The following CELSR1 variants were observed in gnomAD, a reference collection of about 807,000 sequenced individuals.
The protein encoded by CELSR1 is cadherin EGF LAG seven-pass G-type receptor 1, also known as adhesion G protein-coupled receptor C1.
In CELSR1, 110 loss-of-function variants were observed where a neutral mutation model predicts 249.1. The ratio of observed to expected loss-of-function variants is 0.44; its 90% CI spans 0.38 to 0.52. The LOEUF (loss-of-function observed/expected upper bound fraction) is 0.52, where lower values mean the gene tolerates loss of function less well. Ranked by LOEUF, CELSR1 falls within the 20% of genes least tolerant of loss-of-function variation. The pLI, the probability that CELSR1 is intolerant of heterozygous loss-of-function variation, is 0.00. For missense variants in CELSR1, 4,109 were observed against 4,296.4 expected (o/e 0.96, Z 1.22); for synonymous variants, 2,113 against 1,900.0 (o/e 1.11, Z -2.92).
At chr22:46,466,311 G>T (rs2080096145) in intron 1 of CELSR1, among the ~76,000 whole-genome samples, 2 of 152,232 alleles carry the variant, frequency 1.3e-5, no homozygotes, top group South Asian at 4.1e-4. Context: ...CTGGAGCAGG[G>T]TGGCCCTGAG....
rs546154057 is a variant in CELSR1 at position 46,409,236 on chromosome 22, G to A, written c.5060-74C>T. ...CCGCGGACTTGGCTGCAGGGGCGGG[G>A]GATGGGCCTGCAGGCTAGGCCTGGG... On this transcript the variant is annotated intron_variant, in intron 8 of 34. Transcript: ENST00000674500. The surrounding 1 kb of genome is among the most constrained non-coding windows in gnomAD (Gnocchi z 9.8). 4 of 1,507,198 alleles carry A rather than the reference G, an allele frequency of 2.7e-6. No individual in the cohort carries two copies. In the South Asian group the frequency reaches 3.5e-5, roughly 13 times the overall value. The allele number at this position is 1,507,198 out of a possible 1,614,324, so 93.4% of individuals were successfully genotyped here.
intron 5 of CELSR1, among the ~76,000 whole-genome samples, chr22:46,418,578 C>T (rs1055612570): frequency 1.3e-5 from 2 of 152,184 alleles, no homozygotes; most frequent in Admixed American, 1.3e-4. Context: ...AAGTAAGCAA[C>T]TCGTGCAATT....
At chr22:46,384,059 T>G (rs1255529840) in intron 20 of CELSR1, among the ~76,000 whole-genome samples, 1 of 152,000 alleles carries the variant, frequency 6.6e-6, no homozygotes, top group Non-Finnish European at 1.5e-5. Context: ...CTCAGCCTCC[T>G]GAGTAGCTGG....
intron 1 of CELSR1, among the ~76,000 whole-genome samples, chr22:46,502,118 G>T (rs772490269): frequency 7.9e-5 from 12 of 151,454 alleles, no homozygotes; most frequent in Non-Finnish European, 1.5e-4. Context: ...TAAAGTAGCT[G>T]GGCACAGTGG....
At position 46,410,264 on chromosome 22, in the gene CELSR1, C is replaced by T; in HGVS notation, c.4933+134G>A. 1.8e-6 allele frequency: 2 copies of T among 1,115,260 alleles called. No individual in the cohort carries two copies. The highest frequency in any genetic ancestry group is 2.6e-6 in the Non-Finnish European group (2 of 780,422). The allele number at this position is 1,115,260 out of a possible 1,614,324, so 69.1% of individuals were successfully genotyped here. On this transcript the variant is annotated intron_variant, in intron 7 of 34. Coordinates refer to ENST00000674500, the MANE Select transcript of CELSR1 (RefSeq NM_001378328.1). This position sits in a 1 kb window ranked among gnomAD's most constrained non-coding sequence, Gnocchi z 6.8. Reference sequence around the variant, plus strand: ...ACTCCGGGTTCCATCCCAGGAGCTGCCCACCGCTGGACACATACATTTCTA... The same window carrying T: ...ACTCCGGGTTCCATCCCAGGAGCTGTCCACCGCTGGACACATACATTTCTA...
At chr22:46,386,306 G>T in intron 19 of CELSR1, 96 bp downstream of exon 19, 3 of 1,330,468 alleles carry the variant, frequency 2.3e-6, no homozygotes, top group African/African-American at 1.5e-5. Context: ...CCAAGGGGGG[G>T]CCGGGAGCCC....
rs184559815 is a variant in CELSR1, at chr22:46,410,269, C to T, written c.4933+129G>A. On this transcript the variant is annotated intron_variant, in intron 7 of 34. Coordinates refer to ENST00000674500, the MANE Select transcript of CELSR1 (RefSeq NM_001378328.1). This position sits in a 1 kb window ranked among gnomAD's most constrained non-coding sequence, Gnocchi z 6.8. ...GGGTTCCATCCCAGGAGCTGCCCAC[C>T]GCTGGACACATACATTTCTAAGAAA... 337 of 1,191,768 alleles carry T rather than the reference C, an allele frequency of 2.8e-4. 2 individuals carry two copies. In the East Asian group the frequency reaches 6.8e-3, roughly 24 times the overall value. The allele number at this position is 1,191,768 out of a possible 1,614,324, so 73.8% of individuals were successfully genotyped here.
At chr22:46,443,538 G>A (rs1013534099) in intron 2 of CELSR1, among the ~76,000 whole-genome samples, 1 of 152,200 alleles carries the variant, frequency 6.6e-6, no homozygotes. Flanking sequence ...GCACCCCGCC[G>A]CCCTGCAGGC....
intron 1 of CELSR1, among the ~76,000 whole-genome samples, chr22:46,521,492 A>C (rs5768883): frequency 6.7e-6 from 1 of 149,904 alleles, no homozygotes; most frequent in Admixed American, 6.6e-5. Flanking sequence ...GCGACAGAGC[A>C]AGACTCCATC....
At chr22:46,483,999 T>C (rs1413239717) in intron 1 of CELSR1, among the ~76,000 whole-genome samples, 1 of 152,218 alleles carries the variant, frequency 6.6e-6, no homozygotes, top group Non-Finnish European at 1.5e-5. Flanking sequence ...CCACATCCCT[T>C]GCCTCCAGGT....
intron 1 of CELSR1, among the ~76,000 whole-genome samples, chr22:46,521,332 C>T (rs1040978218): frequency 2.6e-5 from 4 of 151,918 alleles, no homozygotes; most frequent in African/African-American, 7.3e-5. Context: ...AGTGAAATCC[C>T]GTCTCTACTA....
rs2079089208 is a variant in CELSR1, at chr22:46,391,362, C to T, written c.6149-75G>A. 3 of 1,321,928 alleles carry T rather than the reference C, an allele frequency of 2.3e-6. No homozygotes were observed. The highest frequency in any genetic ancestry group is 1.5e-5 in the African/African-American group (1 of 68,960). The allele number at this position is 1,321,928 out of a possible 1,614,324, so 81.9% of individuals were successfully genotyped here. On this transcript the variant is annotated intron_variant, in intron 15 of 34. Coordinates refer to ENST00000674500, the MANE Select transcript of CELSR1 (RefSeq NM_001378328.1). The surrounding 1 kb of genome is among the most constrained non-coding windows in gnomAD (Gnocchi z 4.3). ...GACCACAAACAGGCACCACTGTCTG[C>T]ATGCGCCTCCCTGCAGGAGGCCCTG...
chr22:46,439,453 C>T, intron 2 of CELSR1, 42 bp from the exon 3 acceptor site: 4 of 1,541,586 alleles, frequency 2.6e-6, no homozygotes, highest in Non-Finnish European at 3.5e-6. Flanking sequence ...GGTTACCGAC[C>T]AGCCAGGGAA....
chr22:46,503,779 C>G (rs1430524849), intron 1 of CELSR1, among the ~76,000 whole-genome samples: 1 of 152,216 alleles, frequency 6.6e-6, no homozygotes, highest in Non-Finnish European at 1.5e-5. Context: ...CCGGTAATCC[C>G]AGCACTTTGG....
In CELSR1 at chr22:46,464,982, G is replaced by A. The variant is rs562227498; in HGVS notation, c.3545-637C>T. Among the ~76,000 whole-genome samples, 456 of 152,268 alleles carry A rather than the reference G, an allele frequency of 3.0e-3. 2 individuals carry two copies. Among genetic ancestry groups the A allele is most frequent in the African/African-American group, 0.011 (441 of 41,536 alleles). Reference sequence around the variant, plus strand: ...CACACAGGAGGGGCCGAGGAGCACCGCTTTACAAAGACACACAGCAGCCTC... The same window carrying A: ...CACACAGGAGGGGCCGAGGAGCACCACTTTACAAAGACACACAGCAGCCTC... On this transcript the variant is annotated intron_variant, in intron 1 of 34. Coordinates refer to ENST00000674500, the MANE Select transcript of CELSR1 (RefSeq NM_001378328.1). This position sits in a 1 kb window ranked among gnomAD's most constrained non-coding sequence, Gnocchi z 8.5.
chr22:46,384,679 A>T lies in CELSR1; in HGVS notation c.6747T>A (p.Ala2249=). The part of the protein sequence containing the change: ...FVIVTANMIL[A]VDIFDKFNFT... The stretch of plus-strand genomic sequence containing the variant: ...AGTTGAACTTGTCAAAGATGTCGAC[A>T]GCAAGAACTGGGGGGACAGTTCCTT... The change falls in exon 20 of 35, where the codon GCT becomes GCA. Residue 2249 remains alanine (A), a synonymous_variant. Transcript: ENST00000674500. 2 of 1,612,768 alleles carry T rather than the reference A, an allele frequency of 1.2e-6. No homozygotes were observed. Among genetic ancestry groups the T allele is most frequent in the Non-Finnish European group, 1.7e-6 (2 of 1,179,408 alleles).
rs1376288108 is a variant in CELSR1, at chr22:46,448,630, C to T, written c.4184-9219G>A. Reference sequence around the variant, plus strand: ...AGGCCACAATGGTAAAACTCAAGCACTTGATGAAGGCTTAGTTTATGCAGA... The same window carrying T: ...AGGCCACAATGGTAAAACTCAAGCATTTGATGAAGGCTTAGTTTATGCAGA... On this transcript the variant is annotated intron_variant, in intron 2 of 34. Transcript: ENST00000674500. The surrounding 1 kb of genome is among the most constrained non-coding windows in gnomAD (Gnocchi z 5.7). The T allele has an allele frequency of 9.9e-6, 4 of 405,912 alleles. No homozygotes were observed. Among genetic ancestry groups the T allele is most frequent in the South Asian group, 3.7e-5 (2 of 53,648 alleles). The allele number at this position is 405,912 out of a possible 1,614,324, so 25.1% of individuals were successfully genotyped here. A position where few individuals can be genotyped will look rare whatever the true frequency, so the allele number is the denominator to read the frequency against.
At position 46,518,494 on chromosome 22, in the gene CELSR1, C is replaced by T. The variant is rs888580978; in HGVS notation, c.3544+15133G>A. 1.3e-5 allele frequency among the ~76,000 whole-genome samples: 2 copies of T among 152,202 alleles called. No individual in the cohort carries two copies. Among genetic ancestry groups the T allele is most frequent in the Non-Finnish European group, 2.9e-5 (2 of 68,028 alleles). On this transcript the variant is annotated intron_variant, in intron 1 of 34. Transcript: ENST00000674500. This position sits in a 1 kb window ranked among gnomAD's most constrained non-coding sequence, Gnocchi z 5.2. ...GAGGCCTCGGTTATCTGATTTAACACGAAGAAACCAGTCACACACACAAAC... is the reference window on the plus strand; with the variant it reads ...GAGGCCTCGGTTATCTGATTTAACATGAAGAAACCAGTCACACACACAAAC...
Position 46,417,760 on chromosome 22 carries a change from C to T in CELSR1, c.4612-6001G>A, listed in dbSNP as rs2147362900. On this transcript the variant is annotated intron_variant, in intron 5 of 34. Coordinates refer to ENST00000674500, the MANE Select transcript of CELSR1 (RefSeq NM_001378328.1). The surrounding 1 kb of genome is among the most constrained non-coding windows in gnomAD (Gnocchi z 4.1). ...GGGGGTAAGTGCATAGCTGCTATCT[C>T]TAGGGCTGTTTGGGAATGAAATGAA... Among the ~76,000 whole-genome samples the T allele has an allele frequency of 6.6e-6, 1 of 152,314 alleles. No individual in the cohort carries two copies. The highest frequency in any genetic ancestry group is 1.9e-4 in the East Asian group (1 of 5,180).
Sources: allele counts gnomAD v4.1 joint callset (sites outside exome capture counted in the v4.1 genomes callset), GRCh38; gene constraint gnomAD v4.1.1; non-coding constraint Gnocchi (gnomAD v3.1); transcripts MANE v1.5; gene names NCBI Gene and HGNC (gene_info 2026-07-23, HGNC 2026-07-21).